Variants in VEPH1 observed in about 807,000 individuals in gnomAD.
The protein encoded by VEPH1 is ventricular zone-expressed PH domain-containing protein homolog 1.
Under a neutral mutation model 85.2 loss-of-function variants are expected in VEPH1, and 80 were observed. That is an observed-to-expected ratio of 0.94 (90% CI 0.78 to 1.13). The LOEUF (loss-of-function observed/expected upper bound fraction) is 1.13, where lower values mean the gene tolerates loss of function less well. Ranked by LOEUF, VEPH1 falls within the 50% of genes most tolerant of loss-of-function variation. The pLI is 0.00. For synonymous variants in VEPH1, 297 were observed against 348.0 expected, an observed-to-expected ratio of 0.85 and a Z score of 1.63; for missense variants, 955 against 980.5, an observed-to-expected ratio of 0.97 and a Z score of 0.35.
chr3:157,436,852 T>G, intron 4 of VEPH1: 1 of 1,426,764 alleles, frequency 7.0e-7, no homozygotes, highest in Non-Finnish European at 9.5e-7. Flanking sequence ...AGCCTCTCAC[T>G]CTCACTCTCC....
chr3:157,488,289 T>C (rs1738844454), intron 2 of VEPH1, among the ~76,000 whole-genome samples: 1 of 152,042 alleles, frequency 6.6e-6, no homozygotes, highest in Non-Finnish European at 1.5e-5. Flanking sequence ...TGAAACTAAC[T>C]CCAATCTGGC....
intron 11 of VEPH1, among the ~76,000 whole-genome samples, chr3:157,309,142 A>G (rs1429350348): frequency 6.6e-6 from 1 of 151,950 alleles, no homozygotes; most frequent in African/African-American, 2.4e-5. Flanking sequence ...TGCTCTTTAG[A>G]TATCCTGGAT....
chr3:157,325,059 C>T (rs550204080), intron 9 of VEPH1, among the ~76,000 whole-genome samples: 9 of 152,122 alleles, frequency 5.9e-5, no homozygotes, highest in Non-Finnish European at 7.4e-5. Flanking sequence ...TATCTAACTG[C>T]GGTTTTGATG....
At chr3:157,313,401 A>G (rs910107492) in intron 11 of VEPH1, among the ~76,000 whole-genome samples, 19 of 152,200 alleles carry the variant, frequency 1.2e-4, no homozygotes, top group African/African-American at 4.6e-4. Flanking sequence ...GTATTGTGTC[A>G]GTATACAGAC....
intron 9 of VEPH1, among the ~76,000 whole-genome samples, chr3:157,350,638 TCAAGAATATA>T (rs1208025692): frequency 6.6e-6 from 1 of 152,048 alleles, no homozygotes; most frequent in Non-Finnish European, 1.5e-5. Context: ...GATATTAACA[TCAAGAATATA>T]CAAGGAATTC....
chr3:157,405,211 T>G (rs1731058917), intron 6 of VEPH1, among the ~76,000 whole-genome samples: 1 of 152,190 alleles, frequency 6.6e-6, no homozygotes, highest in South Asian at 2.1e-4. Context: ...CACAGGGAAC[T>G]GCAGGTCTTC....
intron 9 of VEPH1, among the ~76,000 whole-genome samples, chr3:157,350,002 C>T (rs534006927): frequency 1.3e-5 from 2 of 152,118 alleles, no homozygotes; most frequent in East Asian, 3.9e-4. Context: ...ACATTCTTCA[C>T]ATAAATAGAA....
chr3:157,327,018 G>C (rs1009878146), intron 9 of VEPH1, among the ~76,000 whole-genome samples: 1 of 152,178 alleles, frequency 6.6e-6, no homozygotes, highest in Non-Finnish European at 1.5e-5. Flanking sequence ...GTATGGTGTG[G>C]CTCTGCACAG....
intron 12 of VEPH1, among the ~76,000 whole-genome samples, chr3:157,274,176 C>T (rs2108303134): frequency 6.6e-6 from 1 of 152,296 alleles, no homozygotes; most frequent in African/African-American, 2.4e-5. Context: ...AATGAAAGCA[C>T]ATAAAAGTGC....
intron 7 of VEPH1, among the ~76,000 whole-genome samples, chr3:157,373,494 G>A (rs1201828282): frequency 1.3e-5 from 2 of 152,050 alleles, no homozygotes; most frequent in Non-Finnish European, 2.9e-5. Flanking sequence ...CATGCAAATG[G>A]CAACTTTAAA....
Position 157,363,389 on chromosome 3 carries a change from TG to T in VEPH1, c.1709del (p.Pro570GlnfsTer12). On this transcript the variant is annotated frameshift_variant, in exon 9 of 14. Transcript: ENST00000362010. LOFTEE classifies it high-confidence loss of function. ...AYAMEIGKKI[P>X]VPDQCTIEDT... ...CTTCAATGGTACACTGATCAGGGAC[TG>T]GAATCTTCTTTCCAATTTCCATGGC... 4 of 1,609,692 alleles carry T rather than the reference TG, an allele frequency of 2.5e-6. No individual in the cohort carries two copies. The highest frequency in any genetic ancestry group is 3.4e-6 in the Non-Finnish European group (4 of 1,178,966).
At chr3:157,469,912 C>T (rs2109455835) in intron 3 of VEPH1, among the ~76,000 whole-genome samples, 1 of 152,256 alleles carries the variant, frequency 6.6e-6, no homozygotes, top group South Asian at 2.1e-4. Context: ...AGTCACTTTC[C>T]CTGCTAGGTC....
intron 6 of VEPH1, among the ~76,000 whole-genome samples, chr3:157,384,381 G>A (rs537105371): frequency 1.8e-4 from 28 of 152,288 alleles, no homozygotes; most frequent in African/African-American, 6.5e-4. Flanking sequence ...CTACTAAGAT[G>A]TAATTTAAAA....
At chr3:157,409,679 G>T (rs1731395473) in intron 6 of VEPH1, 1 of 985,400 alleles carries the variant, frequency 1.0e-6, no homozygotes, top group Non-Finnish European at 1.2e-6. Context: ...AAAACAGTCT[G>T]CTCACCCAGA....
intron 9 of VEPH1, among the ~76,000 whole-genome samples, chr3:157,353,145 A>T (rs917826713): frequency 1.3e-5 from 2 of 152,214 alleles, no homozygotes; most frequent in Non-Finnish European, 2.9e-5. Flanking sequence ...AGTTACCTGC[A>T]TCTCTGTTAC....
chr3:157,339,605 C>T (rs1723311111), intron 9 of VEPH1, among the ~76,000 whole-genome samples: 1 of 152,186 alleles, frequency 6.6e-6, no homozygotes, highest in Non-Finnish European at 1.5e-5. Context: ...TCTCCCGTGT[C>T]TCTAAATCCT....
At chr3:157,318,633 A>C (rs1222340465) in intron 9 of VEPH1, among the ~76,000 whole-genome samples, 1 of 77,228 alleles carries the variant, frequency 1.3e-5, no homozygotes, top group Non-Finnish European at 2.3e-5. Flanking sequence ...ACAAAAAAAA[A>C]AAGAAAGAAA....
chr3:157,470,304 A>G lies in VEPH1; in HGVS notation c.354+10T>C. On this transcript the variant is annotated intron_variant, in intron 3 of 13. Coordinates refer to ENST00000362010, the MANE Select transcript of VEPH1 (RefSeq NM_001167912.2). The stretch of plus-strand genomic sequence containing the variant: ...AGTATCAAATAGCCTGATGTTGAAC[A>G]CTGACATACCTGTAAAATGCAACTC... The G allele has an allele frequency of 1.2e-6, 2 of 1,613,818 alleles. No homozygotes were observed. The highest frequency in any genetic ancestry group is 1.7e-6 in the Non-Finnish European group (2 of 1,179,762).
chr3:157,416,004 A>C (rs1208138704), intron 5 of VEPH1, among the ~76,000 whole-genome samples: 1 of 152,082 alleles, frequency 6.6e-6, no homozygotes, highest in Non-Finnish European at 1.5e-5. Context: ...CTTCCTTCTT[A>C]CTGCTGCTCT....
Sources: allele counts gnomAD v4.1 joint callset (sites outside exome capture counted in the v4.1 genomes callset), GRCh38; gene constraint gnomAD v4.1.1; transcripts MANE v1.5; gene names NCBI Gene and HGNC (gene_info 2026-07-23, HGNC 2026-07-21).